Variants in PNPLA1 observed in about 807,000 individuals in gnomAD.
PNPLA1 encodes omega-hydroxyceramide transacylase.
In PNPLA1, 36 loss-of-function variants were observed where a neutral mutation model predicts 51.7. The observed-to-expected ratio is 0.70, with a 90% CI of 0.53 to 0.92. PNPLA1 has a LOEUF of 0.92. Ranked by LOEUF, PNPLA1 falls within the 40% of genes least tolerant of loss-of-function variation. The probability of loss-of-function intolerance (pLI) is 0.00; values close to 1 mark genes in which losing one functional copy is unlikely to be tolerated. For synonymous variants in PNPLA1, 293 were observed against 280.1 expected (o/e 1.05, Z -0.46); for missense variants, 658 against 682.5 (o/e 0.96, Z 0.40).
chr6:36,248,607 C>T (rs1030077491), intron 1 of PNPLA1, among the ~76,000 whole-genome samples: 2 of 151,970 alleles, frequency 1.3e-5, no homozygotes, highest in Non-Finnish European at 2.9e-5. Flanking sequence ...CTGCAAGTGC[C>T]TCCTGGATTC....
At chr6:36,250,179 T>A (rs942698701) in intron 1 of PNPLA1, among the ~76,000 whole-genome samples, 6 of 152,218 alleles carry the variant, frequency 3.9e-5, no homozygotes, top group African/African-American at 1.4e-4. Context: ...ATGCTTTGGC[T>A]GTGAGATGCG....
chr6:36,288,403 C>T (rs1258015404), intron 1 of PNPLA1, among the ~76,000 whole-genome samples: 1 of 151,072 alleles, frequency 6.6e-6, no homozygotes, highest in Admixed American at 6.6e-5. Context: ...TGCTTGAGAC[C>T]AGGGGTTCAA....
chr6:36,307,236 C>T (rs1478483129), intron 7 of PNPLA1, among the ~76,000 whole-genome samples: 4 of 152,162 alleles, frequency 2.6e-5, no homozygotes, highest in African/African-American at 9.7e-5. Flanking sequence ...AATTTACCTG[C>T]TTCCCACATT....
intron 1 of PNPLA1, among the ~76,000 whole-genome samples, chr6:36,259,891 G>T (rs1415955388): frequency 6.6e-6 from 1 of 152,104 alleles, no homozygotes. Flanking sequence ...TAGTACCTGG[G>T]TGACAGGATC....
chr6:36,310,743 T>A (rs146840799), intron 8 of PNPLA1, among the ~76,000 whole-genome samples: 1 of 152,224 alleles, frequency 6.6e-6, no homozygotes, highest in Non-Finnish European at 1.5e-5. Flanking sequence ...ACGAGGGTGG[T>A]GGGAGCACTG....
chr6:36,295,127 G>A (rs1159136804), intron 4 of PNPLA1, among the ~76,000 whole-genome samples: 1 of 152,188 alleles, frequency 6.6e-6, no homozygotes, highest in Admixed American at 6.5e-5. Context: ...AGGGGAGGCC[G>A]AGGCTCCACC....
chr6:36,273,124 T>C (rs1180056463), intron 1 of PNPLA1, among the ~76,000 whole-genome samples: 1 of 151,990 alleles, frequency 6.6e-6, no homozygotes, highest in Non-Finnish European at 1.5e-5. Flanking sequence ...TGCACACCTG[T>C]AGTCCCAGCT....
At chr6:36,300,082 C>T (rs1770983031) in intron 5 of PNPLA1, among the ~76,000 whole-genome samples, 2 of 151,996 alleles carry the variant, frequency 1.3e-5, no homozygotes, top group Admixed American at 1.3e-4. Context: ...ACCCCCCACC[C>T]AGGGATCACA....
At position 36,301,773 on chromosome 6, in the gene PNPLA1, G is replaced by C; in HGVS notation, c.776-88G>C. ...AAGACCTTTGAAAAGCACTGTTCCTGTTTAGGAAAATAACTCAAGAAACCA... is the reference window on the plus strand; with the variant it reads ...AAGACCTTTGAAAAGCACTGTTCCTCTTTAGGAAAATAACTCAAGAAACCA... On this transcript the variant is annotated intron_variant, in intron 5 of 8. Coordinates refer to ENST00000636260, the MANE Select transcript of PNPLA1 (RefSeq NM_001374623.1). 3 of 1,490,394 alleles carry C rather than the reference G, an allele frequency of 2.0e-6. No homozygotes were observed. In the South Asian group the frequency reaches 4.0e-5, roughly 20 times the overall value. The allele number at this position is 1,490,394 out of a possible 1,614,324, so 92.3% of individuals were successfully genotyped here. A position where few individuals can be genotyped will look rare whatever the true frequency, so the allele number is the denominator to read the frequency against.
chr6:36,254,929 G>T (rs1188680502), intron 1 of PNPLA1, among the ~76,000 whole-genome samples: 1 of 152,140 alleles, frequency 6.6e-6, no homozygotes, highest in Admixed American at 6.5e-5. Context: ...GCTTGCCTCC[G>T]AGTTTAATTG....
rs57186870 is a variant in PNPLA1, at chr6:36,273,728, CAAAAAAAAA to C, written c.205+3080_205+3088del. Among the ~76,000 whole-genome samples, 166 of 48,240 alleles carry C rather than the reference CAAAAAAAAA, an allele frequency of 3.4e-3. 1 individual carries two copies. Among genetic ancestry groups the C allele is most frequent in the Middle Eastern group, 0.031 (2 of 64 alleles). 31.6% of individuals were successfully genotyped at this position (48,240 alleles called of 152,430 possible). On this transcript the variant is annotated intron_variant, in intron 1 of 8. Transcript: ENST00000636260. ...TGGATAGTACAGGAAGACCCCATCG[CAAAAAAAAA>C]AAAAAAAAAAAAAAAGATGAAGAAA... is the stretch of plus-strand genomic sequence containing the variant.
intron 5 of PNPLA1, among the ~76,000 whole-genome samples, chr6:36,297,886 A>ACC (rs1392737093): frequency 9.2e-5 from 13 of 141,072 alleles, no homozygotes; most frequent in East Asian, 2.0e-4. Flanking sequence ...ACACACACAC[A>ACC]CACCCTGTGA....
At chr6:36,277,542 CT>C (rs1770143097) in intron 1 of PNPLA1, among the ~76,000 whole-genome samples, 1 of 152,214 alleles carries the variant, frequency 6.6e-6, no homozygotes, top group African/African-American at 2.4e-5. Context: ...AACTCTGCCC[CT>C]GCCTGAGACC....
intron 1 of PNPLA1, 132 bp downstream of exon 1, chr6:36,270,796 C>A: frequency 9.1e-7 from 1 of 1,096,094 alleles, no homozygotes; most frequent in Non-Finnish European, 1.3e-6. Flanking sequence ...AAGGGAAGAG[C>A]TGGTTGGAGT....
chr6:36,295,327 G>T (rs369161941), intron 4 of PNPLA1, 37 bp from the exon 5 acceptor site: 1 of 1,611,454 alleles, frequency 6.2e-7, no homozygotes, highest in Non-Finnish European at 8.5e-7. Flanking sequence ...CTTCCTCCCC[G>T]CAGCCTTGGT....
At chr6:36,277,972 C>T (rs1169068010) in intron 1 of PNPLA1, among the ~76,000 whole-genome samples, 1 of 152,222 alleles carries the variant, frequency 6.6e-6, no homozygotes. Flanking sequence ...ATGAGTGCCT[C>T]AGTCTTGCAG....
At chr6:36,293,210 G>A (rs575360308) in intron 3 of PNPLA1, 84 bp downstream of exon 3, 4 of 1,389,080 alleles carry the variant, frequency 2.9e-6, no homozygotes, top group Admixed American at 3.6e-5. Flanking sequence ...GAGCAGGGGG[G>A]TGGTCTCAGA....
intron 1 of PNPLA1, among the ~76,000 whole-genome samples, chr6:36,261,021 G>T (rs1371690828): frequency 1.3e-5 from 2 of 152,046 alleles, no homozygotes; most frequent in East Asian, 3.9e-4. Flanking sequence ...TAGAGATGAG[G>T]TTTTGCCATG....
chr6:36,289,845 A>G (rs1450401171), intron 1 of PNPLA1, among the ~76,000 whole-genome samples: 3 of 152,186 alleles, frequency 2.0e-5, no homozygotes, highest in African/African-American at 4.8e-5. Flanking sequence ...TAATCGGTAA[A>G]CCATAAAACA....
Sources: gnomAD v4.1 joint callset for allele counts (sites outside exome capture counted in the v4.1 genomes callset) on GRCh38, gnomAD v4.1.1 for gene constraint, MANE v1.5 for transcripts, NCBI Gene and HGNC (gene_info 2026-07-23, HGNC 2026-07-21) for gene names.